The following HS3ST4 variants were observed in gnomAD, a reference collection of about 807,000 sequenced individuals.
The protein encoded by HS3ST4 is heparan sulfate glucosamine 3-O-sulfotransferase 4.
A neutral mutation model predicts 29.2 loss-of-function variants in HS3ST4; 17 were observed. That is an observed-to-expected ratio of 0.58 (90% CI 0.40 to 0.87). The LOEUF (loss-of-function observed/expected upper bound fraction) is 0.87. Ranked by LOEUF, HS3ST4 falls within the 40% of genes least tolerant of loss-of-function variation. The pLI is 0.00. For synonymous variants in HS3ST4, 314 were observed against 285.7 expected (o/e 1.10, Z -1.00); for missense variants, 627 against 634.5 (o/e 0.99, Z 0.13).
chr16:26,015,473 T>C (rs956850582), intron 1 of HS3ST4, among the ~76,000 whole-genome samples: 1 of 152,208 alleles, frequency 6.6e-6, no homozygotes, highest in Non-Finnish European at 1.5e-5. Flanking sequence ...CCCAAGTCTC[T>C]ATGTCCAGAG....
chr16:25,828,242 C>CTTTTTCTACCTTTCTT (rs1371928058), intron 1 of HS3ST4, among the ~76,000 whole-genome samples: 1 of 75,016 alleles, frequency 1.3e-5, no homozygotes, highest in Non-Finnish European at 2.5e-5. Flanking sequence ...TTCTTTCTTT[C>CTTTTTCTACCTTTCTT]TCTTTCTTTC....
chr16:25,980,118 C>A (rs1350513897), intron 1 of HS3ST4, among the ~76,000 whole-genome samples: 1 of 152,144 alleles, frequency 6.6e-6, no homozygotes, highest in Admixed American at 6.6e-5. Context: ...AATTTGTGAC[C>A]TGGAGCTCCT....
At chr16:26,045,333 A>G (rs952353649) in intron 1 of HS3ST4, among the ~76,000 whole-genome samples, 2 of 152,194 alleles carry the variant, frequency 1.3e-5, no homozygotes, top group Non-Finnish European at 2.9e-5. Context: ...CTTAGCATTA[A>G]TGTTCTGGGG....
At chr16:25,733,612 T>C (rs542768884) in intron 1 of HS3ST4, among the ~76,000 whole-genome samples, 163 of 152,238 alleles carry the variant, frequency 1.1e-3, no homozygotes, top group Non-Finnish European at 9.4e-4. Context: ...GAGGCTGGGA[T>C]TCTGTCCTGT....
intron 1 of HS3ST4, among the ~76,000 whole-genome samples, chr16:26,051,880 GCCTCCCTCCCTCCCTC>G (rs60911157): frequency 3.6e-3 from 228 of 63,038 alleles, no homozygotes; most frequent in South Asian, 0.01. Context: ...CTCCCTCCCT[GCCTCCCTCCCTCCCTC>G]CCTCCCTCCC....
intron 1 of HS3ST4, among the ~76,000 whole-genome samples, chr16:25,986,973 G>C (rs766018978): frequency 6.6e-6 from 1 of 152,204 alleles, no homozygotes; most frequent in Non-Finnish European, 1.5e-5. Flanking sequence ...TAATCGGTCT[G>C]GTTAAAATGT....
At chr16:25,856,436 C>T (rs1362705860) in intron 1 of HS3ST4, among the ~76,000 whole-genome samples, 5 of 152,044 alleles carry the variant, frequency 3.3e-5, no homozygotes, top group African/African-American at 1.2e-4. Context: ...ATTAAGAAAC[C>T]TGCATAACAA....
intron 1 of HS3ST4, among the ~76,000 whole-genome samples, chr16:26,112,703 A>G (rs1430901796): frequency 6.6e-6 from 1 of 152,098 alleles, no homozygotes; most frequent in African/African-American, 2.4e-5. Context: ...AAACAATTTG[A>G]AAGAAAAACA....
intron 1 of HS3ST4, among the ~76,000 whole-genome samples, chr16:26,111,486 T>A (rs1046947293): frequency 3.3e-5 from 5 of 151,974 alleles, no homozygotes; most frequent in African/African-American, 1.2e-4. Flanking sequence ...GGCAAAAATG[T>A]GTATAGTTTA....
chr16:26,048,077 G>C (rs1898291628), intron 1 of HS3ST4, among the ~76,000 whole-genome samples: 1 of 152,188 alleles, frequency 6.6e-6, no homozygotes, highest in Non-Finnish European at 1.5e-5. Flanking sequence ...TCTCCAGGCT[G>C]TTAGATGGCT....
At chr16:26,068,447 G>A (rs1011152777) in intron 1 of HS3ST4, among the ~76,000 whole-genome samples, 13 of 152,200 alleles carry the variant, frequency 8.5e-5, no homozygotes, top group Admixed American at 1.3e-4. Context: ...TACAGGTGAG[G>A]GTTCTGAGCA....
chr16:26,046,343 T>A (rs192236902), intron 1 of HS3ST4, among the ~76,000 whole-genome samples: 1 of 151,860 alleles, frequency 6.6e-6, no homozygotes, highest in East Asian at 1.9e-4. Flanking sequence ...TAGAGACAGG[T>A]TTTTACCATG....
chr16:26,130,230 CT>C (rs1899399794), intron 1 of HS3ST4, among the ~76,000 whole-genome samples: 1 of 152,212 alleles, frequency 6.6e-6, no homozygotes, highest in South Asian at 2.1e-4. Context: ...GCCCAAGATA[CT>C]GTTAACGAGC....
chr16:26,113,469 G>GTTGTGTGT (rs1397992089), intron 1 of HS3ST4, among the ~76,000 whole-genome samples: 1 of 71,894 alleles, frequency 1.4e-5, no homozygotes, highest in East Asian at 3.9e-4. Flanking sequence ...TACAATATAT[G>GTTGTGTGT]ATGTGTGTGT....
At chr16:25,859,276 A>G (rs1967614134) in intron 1 of HS3ST4, among the ~76,000 whole-genome samples, 1 of 152,214 alleles carries the variant, frequency 6.6e-6, no homozygotes. Flanking sequence ...AACGGAAATT[A>G]AATGAGCACA....
At chr16:25,721,283 G>T (rs1015304094) in intron 1 of HS3ST4, among the ~76,000 whole-genome samples, 7 of 152,112 alleles carry the variant, frequency 4.6e-5, no homozygotes, top group African/African-American at 1.7e-4. Context: ...GGGGGTTTAG[G>T]GGGGCTGTAA....
chr16:25,719,675 G>A (rs1966479974), intron 1 of HS3ST4, among the ~76,000 whole-genome samples: 1 of 152,212 alleles, frequency 6.6e-6, no homozygotes, highest in South Asian at 2.1e-4. Context: ...ATAAGAGTAT[G>A]TGAAGAAAGA....
At chr16:25,932,279 A>G (rs1968471905) in intron 1 of HS3ST4, among the ~76,000 whole-genome samples, 1 of 152,164 alleles carries the variant, frequency 6.6e-6, no homozygotes, top group Non-Finnish European at 1.5e-5. Flanking sequence ...GTGCCACGGC[A>G]CTGCAGCCTG....
intron 1 of HS3ST4, among the ~76,000 whole-genome samples, chr16:25,708,329 T>G (rs1310235335): frequency 1.3e-5 from 2 of 152,190 alleles, no homozygotes; most frequent in African/African-American, 2.4e-5. Flanking sequence ...AATATTCACT[T>G]TCAGTAAACA....
Sources: gnomAD v4.1 joint callset for allele counts (sites outside exome capture counted in the v4.1 genomes callset) on GRCh38, gnomAD v4.1.1 for gene constraint, MANE v1.5 for transcripts, NCBI Gene and HGNC (gene_info 2026-07-23, HGNC 2026-07-21) for gene names.